NDRG3: variants seen among roughly 807,000 people sequenced by gnomAD.
The protein encoded by NDRG3 is NDRG family member 3.
NDRG3 carries 23 observed loss-of-function variants against 57.2 expected under a neutral mutation model. The ratio of observed to expected loss-of-function variants is 0.40; its 90% CI spans 0.29 to 0.57. The LOEUF (loss-of-function observed/expected upper bound fraction) is 0.57, where lower values mean the gene tolerates loss of function less well. Ranked by LOEUF, NDRG3 falls within the 20% of genes least tolerant of loss-of-function variation. NDRG3 has a pLI of 0.42. For missense variants in NDRG3, 384 were observed against 457.3 expected (o/e 0.84, Z 1.46); for synonymous variants, 132 against 162.6 (o/e 0.81, Z 1.43).
At chr20:36,668,864 G>T (rs2148051375) in intron 9 of NDRG3, among the ~76,000 whole-genome samples, 1 of 151,754 alleles carries the variant, frequency 6.6e-6, no homozygotes, top group South Asian at 2.1e-4. Flanking sequence ...TATATATAGT[G>T]AGGATGTTCT....
chr20:36,660,614 G>A (rs1410114658), intron 12 of NDRG3, among the ~76,000 whole-genome samples: 2 of 150,940 alleles, frequency 1.3e-5, no homozygotes, highest in African/African-American at 2.4e-5. Flanking sequence ...AGGCTGGAGT[G>A]CAGTGGCGCG....
rs148707860 is a variant in NDRG3 at position 36,677,395 on chromosome 20, T to G, written c.531+3421A>C. 6.6e-3 allele frequency among the ~76,000 whole-genome samples: 999 copies of G among 152,298 alleles called. 9 individuals carry two copies. Among genetic ancestry groups the G allele is most frequent in the African/African-American group, 0.022 (907 of 41,560 alleles). On this transcript the variant is annotated intron_variant, in intron 8 of 15. Transcript: ENST00000349004. ...AGTCGCCCAGACCAGTCAGGACTTG[T>G]GGCACCTCTTCCCGGCCTGCCCATG...
chr20:36,693,725 G>A (rs1302359354), intron 3 of NDRG3, among the ~76,000 whole-genome samples: 2 of 151,644 alleles, frequency 1.3e-5, no homozygotes, highest in African/African-American at 4.8e-5. Context: ...TGCTCCTTAT[G>A]AGAATCTAAT....
At chr20:36,745,020 CTCT>C (rs1986119870) in intron 1 of NDRG3, among the ~76,000 whole-genome samples, 1 of 150,344 alleles carries the variant, frequency 6.7e-6, no homozygotes, top group Non-Finnish European at 1.5e-5. Context: ...GCAAGGATCA[CTCT>C]TGTTCTGTCA....
chr20:36,714,867 C>A (rs1014154331), intron 2 of NDRG3, among the ~76,000 whole-genome samples: 24 of 151,360 alleles, frequency 1.6e-4, no homozygotes, highest in African/African-American at 5.1e-4. Flanking sequence ...CCTGCCTTGG[C>A]TTCCCAAAGT....
chr20:36,709,656 T>C (rs150371173), intron 2 of NDRG3, among the ~76,000 whole-genome samples: 41 of 152,260 alleles, frequency 2.7e-4, no homozygotes, highest in Non-Finnish European at 3.5e-4. Flanking sequence ...TTCAGAGAAA[T>C]CATTGTGTTT....
chr20:36,653,628 T>TTC lies in NDRG3; in HGVS notation c.1018_1019dup (p.Ser341LysfsTer52). On this transcript the variant is annotated frameshift_variant, in exon 16 of 16. Coordinates refer to ENST00000349004, the MANE Select transcript of NDRG3 (RefSeq NM_032013.4). LOFTEE classifies it high-confidence loss of function. The surrounding 1 kb of genome is among the most constrained non-coding windows in gnomAD (Gnocchi z 4.2). ...TGGTGACAGACCGGCTGAAGGGACT[T>TTC]TCTCCAGAGCCGAGGCTACTCGAGG... The TTC allele has an allele frequency of 6.2e-7, 1 of 1,614,172 alleles. No individual in the cohort carries two copies. The highest frequency in any genetic ancestry group is 8.5e-7 in the Non-Finnish European group (1 of 1,180,036).
Position 36,653,184 on chromosome 20 carries a change from A to T in NDRG3, c.*336T>A, listed in dbSNP as rs1486392200. ...CACAGAACTATGCACACACAAACAC[A>T]GACACGCGTGCTCGCACACACAGAG... On this transcript the variant is annotated 3_prime_UTR_variant, in exon 16 of 16. Transcript: ENST00000349004. This position sits in a 1 kb window ranked among gnomAD's most constrained non-coding sequence, Gnocchi z 4.2. 2.8e-5 allele frequency: 6 copies of T among 211,078 alleles called. No individual in the cohort carries two copies. The highest frequency in any genetic ancestry group is 2.8e-5 in the Non-Finnish European group (3 of 105,448). The allele number at this position is 211,078 out of a possible 1,614,324, so 13.1% of individuals were successfully genotyped here.
intron 3 of NDRG3, among the ~76,000 whole-genome samples, chr20:36,694,357 T>C (rs189698014): frequency 6.6e-6 from 1 of 152,382 alleles, no homozygotes; most frequent in East Asian, 1.9e-4. Flanking sequence ...AGTGTGCGTA[T>C]CACAGAATAG....
intron 1 of NDRG3, among the ~76,000 whole-genome samples, chr20:36,726,423 T>C (rs1984937395): frequency 6.6e-6 from 1 of 152,178 alleles, no homozygotes; most frequent in African/African-American, 2.4e-5. Context: ...CCTTCCACTA[T>C]TAGGGGATCT....
At chr20:36,676,170 G>A (rs1980685891) in intron 8 of NDRG3, among the ~76,000 whole-genome samples, 1 of 151,972 alleles carries the variant, frequency 6.6e-6, no homozygotes, top group Non-Finnish European at 1.5e-5. Flanking sequence ...AACCCGGGAG[G>A]CGGAGCTTGC....
intron 1 of NDRG3, among the ~76,000 whole-genome samples, chr20:36,744,175 T>TA (rs2148241305): frequency 1.3e-5 from 2 of 152,270 alleles, no homozygotes; most frequent in Admixed American, 1.3e-4. Flanking sequence ...GTGCTGGGAT[T>TA]ACAGGCGTGA....
intron 8 of NDRG3, among the ~76,000 whole-genome samples, chr20:36,675,669 A>C (rs946206909): frequency 1.3e-5 from 2 of 151,862 alleles, no homozygotes; most frequent in African/African-American, 4.8e-5. Flanking sequence ...TACAGGTGTA[A>C]GCTACTGCAC....
chr20:36,674,654 G>GGCAGC lies in NDRG3; in HGVS notation c.532-3258_532-3257insGCTGC, dbSNP rs1289085374. Among the ~76,000 whole-genome samples the GGCAGC allele has an allele frequency of 5.0e-5, 7 of 141,320 alleles. No individual in the cohort carries two copies. In the East Asian group the frequency reaches 1.5e-3, roughly 30 times the overall value. The allele number at this position is 141,320 out of a possible 152,430, so 92.7% of individuals were successfully genotyped here. A position where few individuals can be genotyped will look rare whatever the true frequency, so the allele number is the denominator to read the frequency against. ...TCTCTGTCACCCAGGCAGGACTGTAGTAGCATGATCATGGCTCACTGCAAC... is the reference window on the plus strand; with the variant it reads ...TCTCTGTCACCCAGGCAGGACTGTAGGCAGCTAGCATGATCATGGCTCACTGCAAC... On this transcript the variant is annotated intron_variant, in intron 8 of 15. Transcript: ENST00000349004.
chr20:36,664,321 TC>T (rs755601830), intron 12 of NDRG3, among the ~76,000 whole-genome samples: 132 of 152,284 alleles, frequency 8.7e-4, no homozygotes, highest in Non-Finnish European at 1.4e-3. Flanking sequence ...TTTCCCCTCA[TC>T]CTTCTATTTT....
chr20:36,676,655 G>A (rs753660846), intron 8 of NDRG3, among the ~76,000 whole-genome samples: 1 of 152,218 alleles, frequency 6.6e-6, no homozygotes, highest in Non-Finnish European at 1.5e-5. Flanking sequence ...TAGAAACGGG[G>A]TTTCGCCATG....
intron 8 of NDRG3, among the ~76,000 whole-genome samples, chr20:36,675,020 G>A (rs907868715): frequency 4.1e-5 from 6 of 144,932 alleles, no homozygotes; most frequent in Non-Finnish European, 7.5e-5. Flanking sequence ...TCAGCTTACC[G>A]AGTAGCTGGA....
chr20:36,670,739 C>A (rs1320242765), intron 9 of NDRG3, among the ~76,000 whole-genome samples: 1 of 152,168 alleles, frequency 6.6e-6, no homozygotes, highest in Non-Finnish European at 1.5e-5. Flanking sequence ...CTCTCGTCTC[C>A]CCATTCTAGA....
At chr20:36,654,965 C>A in intron 15 of NDRG3, 1 of 704,118 alleles carries the variant, frequency 1.4e-6, no homozygotes, top group Non-Finnish European at 2.7e-6. Context: ...TTTTAAGGTC[C>A]CAGAGAGGAG....
Sources: gnomAD v4.1 joint callset for allele counts (sites outside exome capture counted in the v4.1 genomes callset) on GRCh38, gnomAD v4.1.1 for gene constraint, Gnocchi (gnomAD v3.1) non-coding constraint, MANE v1.5 for transcripts, NCBI Gene and HGNC (gene_info 2026-07-23, HGNC 2026-07-21) for gene names.